The following MILR1 variants were observed in gnomAD, a reference collection of about 807,000 sequenced individuals.
The protein encoded by MILR1 is allergin-1.
In MILR1, 31 loss-of-function variants were observed where a neutral mutation model predicts 18.5. The observed-to-expected ratio is 1.68, with a 90% confidence interval of 1.26 to 2.26. The LOEUF is 2.26. MILR1 is among the 30% of genes most tolerant of loss of function. The pLI, the probability that MILR1 is intolerant of heterozygous loss-of-function variation, is 0.00. For missense variants in MILR1, 257 were observed against 157.4 expected (o/e 1.63, Z -3.38); for synonymous variants, 85 against 56.2 (o/e 1.51, Z -2.30).
the MILR1 span, among the ~76,000 whole-genome samples, chr17:64,478,393 T>C: frequency 6.6e-6 from 1 of 152,144 alleles, no homozygotes; most frequent in Non-Finnish European, 1.5e-5. Flanking sequence ...TATAACAAAT[T>C]ATACCAAAAT....
At chr17:64,482,954 C>T in the MILR1 span, 1 of 1,607,358 alleles carries the variant, frequency 6.2e-7, no homozygotes, top group Admixed American at 1.7e-5. Flanking sequence ...CTTCCTACAT[C>T]CAAAGCAACC....
At chr17:64,485,594 C>A in the MILR1 span, 1 of 762,950 alleles carries the variant, frequency 1.3e-6, no homozygotes, top group Non-Finnish European at 2.2e-6. Context: ...TCTAAAAAAA[C>A]TGAAAAATAC....
At chr17:64,473,374 TTA>T (rs2037721251), downstream of MILR1, among the ~76,000 whole-genome samples, 4 of 148,600 alleles carry the variant, frequency 2.7e-5, no homozygotes, top group African/African-American at 1.0e-4. Context: ...AAAGAAGAAG[TTA>T]TCTTTTCTCA....
At chr17:64,455,323 T>C (rs1306261317) in intron 3 of MILR1, among the ~76,000 whole-genome samples, 2 of 152,236 alleles carry the variant, frequency 1.3e-5, no homozygotes, top group African/African-American at 4.8e-5. Context: ...CACTACGGAG[T>C]ACCTACTCCA....
At chr17:64,461,300 T>G (rs1365249118) in intron 5 of MILR1, among the ~76,000 whole-genome samples, 7 of 152,088 alleles carry the variant, frequency 4.6e-5, no homozygotes, top group Non-Finnish European at 1.0e-4. Context: ...CAGGCTGGAG[T>G]GCAGTGGTAC....
chr17:64,483,282 G>A, the MILR1 span, among the ~76,000 whole-genome samples: 1 of 152,104 alleles, frequency 6.6e-6, no homozygotes, highest in Non-Finnish European at 1.5e-5. Context: ...GGGAGGCTGA[G>A]GCAGGTGGAT....
intron 3 of MILR1, among the ~76,000 whole-genome samples, chr17:64,455,860 T>C (rs2037286643): frequency 6.6e-6 from 1 of 151,568 alleles, no homozygotes; most frequent in African/African-American, 2.4e-5. Flanking sequence ...GCCAACATGG[T>C]GAAACCCTGT....
At chr17:64,472,465 CAA>C (rs71158332), downstream of MILR1, among the ~76,000 whole-genome samples, 11 of 13,916 alleles carry the variant, frequency 7.9e-4, no homozygotes, top group East Asian at 4.5e-3. Flanking sequence ...GACTCCATCT[CAA>C]AAAAAAAAAA....
chr17:64,491,291 A>G, the MILR1 span, among the ~76,000 whole-genome samples: 1 of 152,090 alleles, frequency 6.6e-6, no homozygotes, highest in African/African-American at 2.4e-5. Context: ...CTGAAATTTA[A>G]TTTTTAAAAA....
chr17:64,496,193 T>TTCGGACAGATTGTTTAAGGAACAGCA, the MILR1 span, among the ~76,000 whole-genome samples: 1 of 152,184 alleles, frequency 6.6e-6, no homozygotes, highest in African/African-American at 2.4e-5. Flanking sequence ...TCCCAGGTCC[T>TTCGGACAGATTGTTTAAGGAACAGCA]TCGGACAGAT....
intron 4 of MILR1, among the ~76,000 whole-genome samples, chr17:64,458,769 C>T (rs981705840): frequency 2.0e-5 from 3 of 152,146 alleles, no homozygotes; most frequent in Admixed American, 2.0e-4. Flanking sequence ...ACTCTAGGTA[C>T]CTGGACCAAA....
the MILR1 span, chr17:64,477,842 G>A: frequency 6.2e-7 from 1 of 1,602,916 alleles, no homozygotes; most frequent in Non-Finnish European, 8.5e-7. Context: ...CTTAGCTGAT[G>A]ATATATACTT....
At chr17:64,477,019 G>C in the MILR1 span, among the ~76,000 whole-genome samples, 4 of 152,056 alleles carry the variant, frequency 2.6e-5, no homozygotes, top group Admixed American at 6.6e-5. Context: ...ATAGATATTA[G>C]ACAGGAAACA....
intron 2 of MILR1, among the ~76,000 whole-genome samples, chr17:64,451,632 T>C (rs1210563871): frequency 6.6e-6 from 1 of 151,994 alleles, no homozygotes; most frequent in Non-Finnish European, 1.5e-5. Context: ...TTAGGTCTTG[T>C]CTTAAAGTTG....
downstream of MILR1, among the ~76,000 whole-genome samples, chr17:64,472,465 C>CAAAAAAAAAAAAAAAAAAAA (rs71158332): frequency 2.9e-4 from 4 of 13,920 alleles, no homozygotes; most frequent in East Asian, 4.5e-3. Flanking sequence ...GACTCCATCT[C>CAAAAAAAAAAAAAAAAAAAA]AAAAAAAAAA....
At chr17:64,497,238 C>T in the MILR1 span, among the ~76,000 whole-genome samples, 1 of 152,238 alleles carries the variant, frequency 6.6e-6, no homozygotes, top group South Asian at 2.1e-4. Context: ...TTTCTTTCCT[C>T]GTAAGCACCA....
At chr17:64,470,019 C>A (rs781845996), downstream of MILR1, among the ~76,000 whole-genome samples, 159 of 152,212 alleles carry the variant, frequency 1.0e-3, no homozygotes, top group Non-Finnish European at 1.2e-3. Context: ...ACAGATACAG[C>A]GTTTCAGTTT....
rs2037326765 is a variant in MILR1, at chr17:64,457,477, T to C, written c.445T>C (p.Ser149Pro). 2.1e-6 allele frequency: 1 copy of C among 475,380 alleles called. No individual in the cohort carries two copies. 29.4% of individuals were successfully genotyped at this position (475,380 alleles called of 1,614,324 possible). ...CCGACATATAACATTACATTGCCTCTCAGTCAATGGCTCGCTGCCCATCAA... is the reference window on the plus strand; with the variant it reads ...CCGACATATAACATTACATTGCCTCCCAGTCAATGGCTCGCTGCCCATCAA... ...TDRHITLHCL[S>P]VNGSLPINYT... Residue 149 changes from serine (S) to proline (P), a missense_variant, in exon 4 of 10, where the codon TCA becomes CCA. Physicochemically the swap from Ser to Pro is moderately conservative, Grantham distance 74 (BLOSUM62 -1). Coordinates refer to ENST00000619286, the MANE Select transcript of MILR1 (RefSeq NM_001085423.2).
intron 8 of MILR1, 21 bp from the exon 9 acceptor site, chr17:64,467,544 A>G (rs1323902618): frequency 2.1e-6 from 3 of 1,423,192 alleles, no homozygotes; most frequent in African/African-American, 1.4e-5. Flanking sequence ...TAAGTAAATT[A>G]TTTTCCCTTT....
Sources: allele counts gnomAD v4.1 joint callset (sites outside exome capture counted in the v4.1 genomes callset), GRCh38; gene constraint gnomAD v4.1.1; transcripts MANE v1.5; gene names NCBI Gene and HGNC (gene_info 2026-07-23, HGNC 2026-07-21).